The following ERBB4 variants were observed in gnomAD, a reference collection of about 807,000 sequenced individuals.
ERBB4 encodes erb-b2 receptor tyrosine kinase 4, also known as receptor tyrosine-protein kinase erbB-4.
Under a neutral mutation model 158.0 loss-of-function variants are expected in ERBB4, and 42 were observed. The ratio of observed to expected loss-of-function variants is 0.27; its 90% confidence interval spans 0.21 to 0.34. The LOEUF (loss-of-function observed/expected upper bound fraction) is 0.34, where lower values mean the gene tolerates loss of function less well. Among genes scored for constraint, ERBB4 ranks in the 10% least tolerant of loss-of-function variants. ERBB4 has a pLI of 1.00. For missense variants in ERBB4, 1,333 were observed against 1,624.1 expected (o/e 0.82, Z 3.08); for synonymous variants, 583 against 558.7 (o/e 1.04, Z -0.61).
chr2:212,280,785 C>T (rs907211889), intron 1 of ERBB4, among the ~76,000 whole-genome samples: 1 of 151,536 alleles, frequency 6.6e-6, no homozygotes, highest in Non-Finnish European at 1.5e-5. Flanking sequence ...TTGAATGAAA[C>T]TAAAGATGGA....
At chr2:211,402,349 T>C (rs1256348374) in intron 25 of ERBB4, among the ~76,000 whole-genome samples, 4 of 152,040 alleles carry the variant, frequency 2.6e-5, no homozygotes, top group Non-Finnish European at 4.4e-5. Flanking sequence ...GATCTAGTTA[T>C]CCTTGCAAAA....
rs5838309 is a variant in ERBB4, at chr2:212,206,589, C to CTTTTTTTTTTTTTTTT, written c.83-81702_83-81687dup. Among the ~76,000 whole-genome samples, 94 of 116,410 alleles carry CTTTTTTTTTTTTTTTT rather than the reference C, an allele frequency of 8.1e-4. 7 individuals are homozygous for CTTTTTTTTTTTTTTTT. Among genetic ancestry groups the CTTTTTTTTTTTTTTTT allele is most frequent in the African/African-American group, 2.1e-3 (59 of 27,672 alleles). 76.4% of individuals were successfully genotyped at this position (116,410 alleles called of 152,430 possible). A position where few individuals can be genotyped will look rare whatever the true frequency, so the allele number is the denominator to read the frequency against. On this transcript the variant is annotated intron_variant, in intron 1 of 27. Coordinates refer to ENST00000342788, the MANE Select transcript of ERBB4 (RefSeq NM_005235.3). ...ATGAACTGTCTCCGTCTGTTCTGTTCTTTTTTTTTTTTTTTTGAGACGGAG... is the reference window on the plus strand; with the variant it reads ...ATGAACTGTCTCCGTCTGTTCTGTTCTTTTTTTTTTTTTTTTTTTTTTTTTTTTTTTTGAGACGGAG...
chr2:211,452,913 A>G (rs2064284710), intron 20 of ERBB4, among the ~76,000 whole-genome samples: 1 of 152,212 alleles, frequency 6.6e-6, no homozygotes, highest in Non-Finnish European at 1.5e-5. Flanking sequence ...ATTCCATCTC[A>G]ACAAAACGAT....
chr2:211,768,690 A>G (rs1359412335), intron 4 of ERBB4, among the ~76,000 whole-genome samples: 1 of 152,166 alleles, frequency 6.6e-6, no homozygotes, highest in Non-Finnish European at 1.5e-5. Context: ...AATGGCCGGA[A>G]TGCAGGGCAG....
intron 20 of ERBB4, among the ~76,000 whole-genome samples, chr2:211,464,181 GAAGAT>G (rs918058836): frequency 1.3e-5 from 2 of 152,036 alleles, no homozygotes; most frequent in African/African-American, 2.4e-5. Context: ...TTCTCTAATA[GAAGAT>G]AAGCTCAACA....
At chr2:212,067,570 G>A (rs1277335981) in intron 2 of ERBB4, among the ~76,000 whole-genome samples, 1 of 151,890 alleles carries the variant, frequency 6.6e-6, no homozygotes, top group African/African-American at 2.4e-5. Flanking sequence ...TAAACTTCAA[G>A]GTACAAATCT....
chr2:212,488,947 C>T (rs185023882), intron 1 of ERBB4, among the ~76,000 whole-genome samples: 55 of 148,596 alleles, frequency 3.7e-4, no homozygotes, highest in African/African-American at 1.1e-3. Context: ...CTTCCCACTT[C>T]GCCATTCATA....
chr2:211,427,156 G>T (rs933327011), intron 22 of ERBB4, among the ~76,000 whole-genome samples: 2 of 151,976 alleles, frequency 1.3e-5, no homozygotes, highest in African/African-American at 4.8e-5. Flanking sequence ...CTTTTTTAAA[G>T]ATAGTTAATT....
chr2:211,735,023 A>T (rs995020818), intron 5 of ERBB4, among the ~76,000 whole-genome samples: 4 of 152,096 alleles, frequency 2.6e-5, no homozygotes, highest in Non-Finnish European at 5.9e-5. Flanking sequence ...CATGGCATAC[A>T]TATTTTTGTA....
chr2:212,288,841 T>C (rs1399347310), intron 1 of ERBB4, among the ~76,000 whole-genome samples: 2 of 152,056 alleles, frequency 1.3e-5, no homozygotes, highest in African/African-American at 2.4e-5. Flanking sequence ...AGACTACCTG[T>C]TTATTTCCAA....
At chr2:211,855,376 T>C (rs1207857020) in intron 3 of ERBB4, among the ~76,000 whole-genome samples, 2 of 152,178 alleles carry the variant, frequency 1.3e-5, no homozygotes, top group Non-Finnish European at 2.9e-5. Context: ...GCTTCATAAT[T>C]AGTGGATTGG....
chr2:212,088,653 T>C (rs757906512), intron 2 of ERBB4, among the ~76,000 whole-genome samples: 3 of 152,096 alleles, frequency 2.0e-5, no homozygotes, highest in Non-Finnish European at 4.4e-5. Flanking sequence ...AGAAACACCA[T>C]TGCCAGTGAG....
chr2:212,155,142 T>G (rs1162808613), intron 1 of ERBB4, among the ~76,000 whole-genome samples: 1 of 152,198 alleles, frequency 6.6e-6, no homozygotes, highest in Non-Finnish European at 1.5e-5. Context: ...TGATATTTTG[T>G]CAAATGTTTT....
intron 19 of ERBB4, among the ~76,000 whole-genome samples, chr2:211,571,738 TAAG>T (rs1025866057): frequency 6.6e-6 from 1 of 152,172 alleles, no homozygotes; most frequent in African/African-American, 2.4e-5. Context: ...ATATGGCTTA[TAAG>T]AAGAATGCAA....
intron 1 of ERBB4, among the ~76,000 whole-genome samples, chr2:212,406,074 G>A (rs925759508): frequency 6.6e-6 from 1 of 152,028 alleles, no homozygotes; most frequent in African/African-American, 2.4e-5. Flanking sequence ...TTCACAACAT[G>A]AAAAATAATG....
intron 2 of ERBB4, among the ~76,000 whole-genome samples, chr2:212,078,096 TATCA>T (rs1426066520): frequency 6.6e-6 from 1 of 152,056 alleles, no homozygotes; most frequent in Non-Finnish European, 1.5e-5. Context: ...CAAATAGTAT[TATCA>T]ATTATTTAAT....
At chr2:212,465,375 C>T (rs547150013) in intron 1 of ERBB4, among the ~76,000 whole-genome samples, 4 of 151,988 alleles carry the variant, frequency 2.6e-5, no homozygotes, top group Admixed American at 1.3e-4. Flanking sequence ...AAAGGGAAAG[C>T]GAACAGTCAT....
At chr2:212,535,992 A>G (rs1191368354) in intron 1 of ERBB4, among the ~76,000 whole-genome samples, 1 of 152,228 alleles carries the variant, frequency 6.6e-6, no homozygotes, top group Non-Finnish European at 1.5e-5. Context: ...TAATGCGAGA[A>G]GCAGATTGTC....
chr2:211,507,186 A>T (rs190393873), intron 20 of ERBB4, among the ~76,000 whole-genome samples: 1 of 152,244 alleles, frequency 6.6e-6, no homozygotes, highest in African/African-American at 2.4e-5. Context: ...AAACGGACAA[A>T]CAATAAGTGA....
Sources: gnomAD v4.1 joint callset for allele counts (sites outside exome capture counted in the v4.1 genomes callset) on GRCh38, gnomAD v4.1.1 for gene constraint, MANE v1.5 for transcripts, NCBI Gene and HGNC (gene_info 2026-07-23, HGNC 2026-07-21) for gene names.